The following NLGN1 variants were observed in gnomAD, a reference collection of about 807,000 sequenced individuals.
NLGN1 encodes neuroligin-1.
NLGN1 carries 12 observed loss-of-function variants against 65.5 expected under a neutral mutation model. The ratio of observed to expected loss-of-function variants is 0.18; its 90% CI spans 0.12 to 0.30. The LOEUF (loss-of-function observed/expected upper bound fraction) is 0.30. NLGN1 is among the 10% of genes least tolerant of loss of function. The pLI is 1.00. For synonymous variants in NLGN1, 350 were observed against 359.5 expected (o/e 0.97, Z 0.30); for missense variants, 750 against 1,007.1 (o/e 0.74, Z 3.46).
Position 173,667,239 on chromosome 3 carries a change from G to GCACACACACACACACACACACA in NLGN1, c.493+62156_493+62177dup, listed in dbSNP as rs3032837. 9.6e-4 allele frequency among the ~76,000 whole-genome samples: 142 copies of GCACACACACACACACACACACA among 147,440 alleles called. 2 individuals are homozygous for GCACACACACACACACACACACA. The highest frequency in any genetic ancestry group is 3.3e-3 in the African/African-American group (131 of 39,430). On this transcript the variant is annotated intron_variant, in intron 3 of 6. Coordinates refer to ENST00000457714, the Ensembl canonical transcript of NLGN1. ...TTGCCATAATGAAACACACGCATATGCACACACACACACACACACACACAC... is the reference window on the plus strand; with the variant it reads ...TTGCCATAATGAAACACACGCATATGCACACACACACACACACACACACACACACACACACACACACACACAC...
chr3:173,911,742 A>T (rs538025870), intron 4 of NLGN1, among the ~76,000 whole-genome samples: 1 of 152,322 alleles, frequency 6.6e-6, no homozygotes, highest in African/African-American at 2.4e-5. Context: ...GAGAGCATTG[A>T]TACTTGTTGA....
intron 4 of NLGN1, among the ~76,000 whole-genome samples, chr3:173,842,230 C>G (rs1039339576): frequency 2.0e-5 from 3 of 152,284 alleles, no homozygotes; most frequent in African/African-American, 7.2e-5. Context: ...TCAATCACCT[C>G]CCACCAGGTT....
At chr3:174,026,169 C>G (rs575571428) in intron 4 of NLGN1, among the ~76,000 whole-genome samples, 3 of 151,840 alleles carry the variant, frequency 2.0e-5, no homozygotes, top group Non-Finnish European at 4.4e-5. Flanking sequence ...CTCTGTCATC[C>G]AGGCTGGAGC....
chr3:173,891,566 T>C (rs1215344671), intron 4 of NLGN1, among the ~76,000 whole-genome samples: 4 of 152,116 alleles, frequency 2.6e-5, no homozygotes, highest in African/African-American at 4.8e-5. Context: ...TCCAAACCCA[T>C]GTTTTCCTAG....
At chr3:174,130,082 A>G (rs1719835756) in intron 4 of NLGN1, among the ~76,000 whole-genome samples, 1 of 152,200 alleles carries the variant, frequency 6.6e-6, no homozygotes, top group South Asian at 2.1e-4. Context: ...AGATCAAATC[A>G]CTGTATAGAA....
chr3:173,883,814 CTTTTT>C (rs74363696), intron 4 of NLGN1, among the ~76,000 whole-genome samples: 2 of 96,486 alleles, frequency 2.1e-5, no homozygotes, highest in African/African-American at 7.9e-5. Context: ...GGGAAACTTT[CTTTTT>C]TTTTTTTTTT....
At chr3:173,881,378 T>G (rs954203899) in intron 4 of NLGN1, among the ~76,000 whole-genome samples, 1 of 146,818 alleles carries the variant, frequency 6.8e-6, no homozygotes, top group Non-Finnish European at 1.5e-5. Context: ...ATTACAGGCC[T>G]GAGCCACTGC....
At chr3:173,496,094 T>C (rs954842090) in intron 2 of NLGN1, among the ~76,000 whole-genome samples, 13 of 151,778 alleles carry the variant, frequency 8.6e-5, no homozygotes, top group Admixed American at 8.5e-4. Flanking sequence ...TATACTTGGA[T>C]TTTCCTGTCT....
chr3:173,460,752 T>C (rs553795309), intron 2 of NLGN1, among the ~76,000 whole-genome samples: 2 of 152,266 alleles, frequency 1.3e-5, no homozygotes, highest in South Asian at 4.1e-4. Flanking sequence ...TTGTAATTTG[T>C]TTATAATCCA....
chr3:173,749,957 G>A (rs1340749813), intron 3 of NLGN1, among the ~76,000 whole-genome samples: 1 of 152,022 alleles, frequency 6.6e-6, no homozygotes, highest in African/African-American at 2.4e-5. Context: ...CTCACGTGAA[G>A]GTAAACAGTT....
At chr3:173,671,819 G>C (rs1294331323) in intron 3 of NLGN1, among the ~76,000 whole-genome samples, 1 of 152,154 alleles carries the variant, frequency 6.6e-6, no homozygotes, top group Non-Finnish European at 1.5e-5. Context: ...GAGAAGCTTT[G>C]TAGTTAAAAT....
intron 2 of NLGN1, among the ~76,000 whole-genome samples, chr3:173,488,234 T>G (rs1463940186): frequency 6.6e-6 from 1 of 152,034 alleles, no homozygotes; most frequent in African/African-American, 2.4e-5. Flanking sequence ...ACTACCCACC[T>G]CATCATTTTA....
At chr3:174,121,217 C>T (rs923923255) in intron 4 of NLGN1, among the ~76,000 whole-genome samples, 2 of 152,174 alleles carry the variant, frequency 1.3e-5, no homozygotes, top group Non-Finnish European at 2.9e-5. Context: ...CTAGTGACAG[C>T]ATTTGAAAGA....
intron 2 of NLGN1, among the ~76,000 whole-genome samples, chr3:173,498,715 A>G (rs541468908): frequency 1.7e-4 from 26 of 151,628 alleles, no homozygotes; most frequent in Non-Finnish European, 3.1e-4. Context: ...TCCAGCACCT[A>G]TTGTTTCCTG....
At chr3:173,682,391 C>T (rs1341825974) in intron 3 of NLGN1, among the ~76,000 whole-genome samples, 1 of 151,768 alleles carries the variant, frequency 6.6e-6, no homozygotes, top group Non-Finnish European at 1.5e-5. Context: ...AGATCGAGAC[C>T]ATCCTGGCTA....
intron 3 of NLGN1, among the ~76,000 whole-genome samples, chr3:173,779,545 C>T (rs746540734): frequency 1.3e-4 from 19 of 151,928 alleles, no homozygotes; most frequent in Non-Finnish European, 2.4e-4. Flanking sequence ...GGGCCACAAC[C>T]TCAGATATAA....
intron 2 of NLGN1, among the ~76,000 whole-genome samples, chr3:173,592,056 T>A (rs1748587251): frequency 6.6e-6 from 1 of 152,182 alleles, no homozygotes; most frequent in Non-Finnish European, 1.5e-5. Context: ...TACATATACA[T>A]TAAAACTGTT....
At chr3:173,920,260 C>T (rs1402752516) in intron 4 of NLGN1, among the ~76,000 whole-genome samples, 1 of 151,978 alleles carries the variant, frequency 6.6e-6, no homozygotes, top group Non-Finnish European at 1.5e-5. Flanking sequence ...AAATAAGTGG[C>T]CCTTTGGATT....
intron 4 of NLGN1, among the ~76,000 whole-genome samples, chr3:174,120,874 A>G (rs949531738): frequency 2.6e-5 from 4 of 152,182 alleles, no homozygotes; most frequent in African/African-American, 4.8e-5. Flanking sequence ...CTTTGAATCC[A>G]GGCTTCACTG....
Sources: gnomAD v4.1 joint callset for allele counts (sites outside exome capture counted in the v4.1 genomes callset) on GRCh38, gnomAD v4.1.1 for gene constraint, MANE v1.5 for transcripts, NCBI Gene and HGNC (gene_info 2026-07-23, HGNC 2026-07-21) for gene names.